KCTD16: variants seen among roughly 807,000 people sequenced by gnomAD.
KCTD16 encodes potassium channel tetramerization domain containing 16, also known as BTB/POZ domain-containing protein KCTD16.
A neutral mutation model predicts 33.2 loss-of-function variants in KCTD16; 13 were observed. The observed-to-expected ratio is 0.39, with a 90% CI of 0.25 to 0.62. KCTD16 has a LOEUF of 0.62. Among genes scored for constraint, KCTD16 ranks in the 20% least tolerant of loss-of-function variants. The probability of loss-of-function intolerance (pLI) is 0.50; values close to 1 mark genes in which losing one functional copy is unlikely to be tolerated. For synonymous variants in KCTD16, 197 were observed against 195.3 expected, an observed-to-expected ratio of 1.01 and a Z score of -0.07; for missense variants, 441 against 525.1, an observed-to-expected ratio of 0.84 and a Z score of 1.57.
intron 3 of KCTD16, among the ~76,000 whole-genome samples, chr5:144,254,967 A>G (rs1754807351): frequency 6.6e-6 from 1 of 151,622 alleles, no homozygotes; most frequent in African/African-American, 2.4e-5. Context: ...GTCTCACTAT[A>G]TTGTCCAGGC....
intron 3 of KCTD16, among the ~76,000 whole-genome samples, chr5:144,224,579 C>T (rs1350128855): frequency 6.6e-6 from 1 of 151,954 alleles, no homozygotes; most frequent in Non-Finnish European, 1.5e-5. Context: ...TTTATCATAG[C>T]TATATTTTTA....
At chr5:144,402,431 G>T (rs549166054) in intron 3 of KCTD16, among the ~76,000 whole-genome samples, 1 of 152,130 alleles carries the variant, frequency 6.6e-6, no homozygotes, top group Non-Finnish European at 1.5e-5. Flanking sequence ...GAGTGAGGTC[G>T]TCTACCTCAC....
At chr5:144,204,882 A>G (rs1753125264) in intron 2 of KCTD16, among the ~76,000 whole-genome samples, 1 of 150,884 alleles carries the variant, frequency 6.6e-6, no homozygotes, top group Non-Finnish European at 1.5e-5. Context: ...CAAAGGATTA[A>G]AAAAAACACT....
At chr5:144,242,088 T>A (rs537490448) in intron 3 of KCTD16, among the ~76,000 whole-genome samples, 10 of 151,516 alleles carry the variant, frequency 6.6e-5, no homozygotes, top group Non-Finnish European at 1.0e-4. Flanking sequence ...GGCTTAATTT[T>A]ATTTTATTTT....
intron 3 of KCTD16, among the ~76,000 whole-genome samples, chr5:144,290,365 A>C (rs1755862718): frequency 6.6e-6 from 1 of 152,208 alleles, no homozygotes; most frequent in South Asian, 2.1e-4. Flanking sequence ...TCTTTGGGGA[A>C]AATTCTCCGA....
At chr5:144,252,621 T>C (rs1045021684) in intron 3 of KCTD16, among the ~76,000 whole-genome samples, 7 of 151,852 alleles carry the variant, frequency 4.6e-5, no homozygotes, top group East Asian at 1.9e-4. Flanking sequence ...TTTTTTTTTT[T>C]CAGTAGGGGT....
chr5:144,197,445 A>G (rs966908341), intron 2 of KCTD16, among the ~76,000 whole-genome samples: 1 of 152,232 alleles, frequency 6.6e-6, no homozygotes. Flanking sequence ...TGTTATATCC[A>G]GATGAAACTT....
chr5:144,374,596 T>G (rs1267826711), intron 3 of KCTD16, among the ~76,000 whole-genome samples: 1 of 152,170 alleles, frequency 6.6e-6, no homozygotes, highest in East Asian at 1.9e-4. Flanking sequence ...TTTTAGTTTG[T>G]CATGATTACT....
intron 3 of KCTD16, among the ~76,000 whole-genome samples, chr5:144,326,147 C>T (rs2126887819): frequency 6.6e-6 from 1 of 152,186 alleles, no homozygotes; most frequent in East Asian, 1.9e-4. Context: ...AAATATTTGG[C>T]AGTTATTAAA....
chr5:144,384,439 A>T (rs964063546), intron 3 of KCTD16: 1 of 152,250 alleles, frequency 6.6e-6, no homozygotes, highest in Non-Finnish European at 1.5e-5. Flanking sequence ...CTGCTGAAAT[A>T]TACTAATACC....
chr5:144,211,113 A>G (rs868203663), intron 3 of KCTD16, among the ~76,000 whole-genome samples: 2 of 151,924 alleles, frequency 1.3e-5, no homozygotes, highest in African/African-American at 2.4e-5. Flanking sequence ...TGCAGTATAT[A>G]TCTTCAGGAT....
intron 3 of KCTD16, among the ~76,000 whole-genome samples, chr5:144,395,263 T>C (rs1217619960): frequency 6.6e-6 from 1 of 152,230 alleles, no homozygotes; most frequent in Non-Finnish European, 1.5e-5. Context: ...AGTTATCGAT[T>C]TCTTTTTTCA....
At chr5:144,184,870 C>G (rs1752693773) in intron 2 of KCTD16, among the ~76,000 whole-genome samples, 1 of 151,186 alleles carries the variant, frequency 6.6e-6, no homozygotes, top group Non-Finnish European at 1.5e-5. Context: ...TTTAATTAAT[C>G]AGTTACTTCC....
rs188040093 is a variant in KCTD16 at position 144,347,992 on chromosome 5, G to A, written c.833-125668G>A. On this transcript the variant is annotated intron_variant, in intron 3 of 3. Transcript: ENST00000512467. ...TTTCTCATACCCTAGGTATACATAG[G>A]CAGCACAGTAGCTGTTTGCTGCCTA... 9.9e-5 allele frequency among the ~76,000 whole-genome samples: 15 copies of A among 152,266 alleles called. No homozygotes were observed. In the East Asian group the frequency reaches 2.9e-3, roughly 29 times the overall value.
intron 2 of KCTD16, among the ~76,000 whole-genome samples, chr5:144,174,922 G>T (rs569732385): frequency 6.6e-6 from 1 of 152,240 alleles, no homozygotes; most frequent in African/African-American, 2.4e-5. Flanking sequence ...CAGGTGAATG[G>T]CTATTGTGGC....
intron 3 of KCTD16, among the ~76,000 whole-genome samples, chr5:144,245,884 C>T (rs1754536318): frequency 6.6e-6 from 1 of 152,180 alleles, no homozygotes; most frequent in South Asian, 2.1e-4. Context: ...CCTGCAGAAC[C>T]ATGGGCCAAT....
chr5:144,364,510 C>T (rs1751789368), intron 3 of KCTD16, among the ~76,000 whole-genome samples: 1 of 152,114 alleles, frequency 6.6e-6, no homozygotes, highest in Non-Finnish European at 1.5e-5. Context: ...CGCATTTTAT[C>T]GTACTAGATT....
At chr5:144,213,151 C>G (rs1358899176) in intron 3 of KCTD16, among the ~76,000 whole-genome samples, 2 of 151,992 alleles carry the variant, frequency 1.3e-5, no homozygotes, top group African/African-American at 4.8e-5. Flanking sequence ...CTGATTTCTT[C>G]ACAATGTTTT....
intron 3 of KCTD16, among the ~76,000 whole-genome samples, chr5:144,283,342 A>G (rs571478680): frequency 6.6e-6 from 1 of 152,222 alleles, no homozygotes; most frequent in Non-Finnish European, 1.5e-5. Flanking sequence ...TGCCTTATGC[A>G]TGCTGTCTAA....
Sources: gnomAD v4.1 joint callset for allele counts (sites outside exome capture counted in the v4.1 genomes callset) on GRCh38, gnomAD v4.1.1 for gene constraint, MANE v1.5 for transcripts, NCBI Gene and HGNC (gene_info 2026-07-23, HGNC 2026-07-21) for gene names.